Variants in CAPS2 observed in about 807,000 individuals in gnomAD.
The protein encoded by CAPS2 is calcyphosin-2.
A neutral mutation model predicts 86.5 loss-of-function variants in CAPS2; 98 were observed. The observed-to-expected ratio is 1.13, with a 90% CI of 0.96 to 1.34. CAPS2 has a LOEUF of 1.34. Ranked by LOEUF, CAPS2 falls within the 40% of genes most tolerant of loss-of-function variation. CAPS2 has a pLI of 0.00. For synonymous variants in CAPS2, 210 were observed against 225.1 expected (o/e 0.93, Z 0.60); for missense variants, 729 against 686.8 (o/e 1.06, Z -0.69).
At chr12:75,340,951 G>A (rs1489573961) in intron 1 of CAPS2, among the ~76,000 whole-genome samples, 2 of 151,564 alleles carry the variant, frequency 1.3e-5, no homozygotes, top group Non-Finnish European at 2.9e-5. Context: ...AAGATATGGA[G>A]AAAATTGATC....
At chr12:75,336,330 C>A (rs2041737399) in intron 1 of CAPS2, among the ~76,000 whole-genome samples, 2 of 151,682 alleles carry the variant, frequency 1.3e-5, no homozygotes, top group African/African-American at 4.8e-5. Flanking sequence ...AAATGGTAGA[C>A]TAAAACTTAA....
At chr12:75,284,205 T>A (rs2034480349) in intron 15 of CAPS2, among the ~76,000 whole-genome samples, 1 of 152,188 alleles carries the variant, frequency 6.6e-6, no homozygotes, top group Non-Finnish European at 1.5e-5. Flanking sequence ...ATGTGGTGAA[T>A]TTGTCTAATT....
intron 1 of CAPS2, among the ~76,000 whole-genome samples, chr12:75,359,402 T>C (rs1293018356): frequency 7.1e-6 from 1 of 140,722 alleles, no homozygotes; most frequent in African/African-American, 2.6e-5. Context: ...AATTGATCTA[T>C]GAATTCAAGA....
intron 1 of CAPS2, among the ~76,000 whole-genome samples, chr12:75,381,795 A>T (rs1023696057): frequency 1.3e-5 from 2 of 151,602 alleles, no homozygotes; most frequent in Admixed American, 1.3e-4. Flanking sequence ...TTGTATTTTT[A>T]GTAGAGACAG....
At chr12:75,389,968 A>G (rs2139886449) in intron 1 of CAPS2, among the ~76,000 whole-genome samples, 1 of 152,306 alleles carries the variant, frequency 6.6e-6, no homozygotes, top group Non-Finnish European at 1.5e-5. Flanking sequence ...CATCTTACAT[A>G]GGTCTATTGT....
intron 1 of CAPS2, among the ~76,000 whole-genome samples, chr12:75,381,788 T>C (rs1453858147): frequency 6.6e-6 from 1 of 151,950 alleles, no homozygotes; most frequent in East Asian, 1.9e-4. Context: ...CTAATTTTTG[T>C]ATTTTTAGTA....
exon 17 of CAPS2, chr12:75,277,678 T>C: frequency 1.0e-6 from 1 of 979,356 alleles, no homozygotes; most frequent in Non-Finnish European, 1.2e-6. Flanking sequence ...ACTTCTCATG[T>C]TGCTGCCAAG....
intron 8 of CAPS2, among the ~76,000 whole-genome samples, chr12:75,300,202 G>GC (rs1565833446): frequency 1.3e-5 from 2 of 152,098 alleles, no homozygotes; most frequent in Non-Finnish European, 2.9e-5. Context: ...TGGCACTGTT[G>GC]CAGGGCTATC....
chr12:75,303,614 T>C (rs1305558005), intron 8 of CAPS2, among the ~76,000 whole-genome samples: 2 of 152,194 alleles, frequency 1.3e-5, no homozygotes, highest in African/African-American at 2.4e-5. Context: ...TCAATGAAAG[T>C]TGACTTTTAA....
chr12:75,291,508 T>G (rs1471388895), intron 13 of CAPS2, among the ~76,000 whole-genome samples: 3 of 112,822 alleles, frequency 2.7e-5, no homozygotes, highest in Non-Finnish European at 3.6e-5. Flanking sequence ...TATATATATA[T>G]ATATATATAT....
intron 14 of CAPS2, among the ~76,000 whole-genome samples, chr12:75,287,301 C>T (rs899098259): frequency 1.3e-5 from 2 of 151,888 alleles, no homozygotes; most frequent in African/African-American, 4.8e-5. Context: ...AGGCAGGAAT[C>T]GTCTCCTGCC....
At chr12:75,298,452 G>A in intron 11 of CAPS2, 1 of 478,064 alleles carries the variant, frequency 2.1e-6, no homozygotes, top group Non-Finnish European at 3.8e-6. Flanking sequence ...GTTGTGGAAT[G>A]GGAAGGGGGG....
At chr12:75,317,395 AG>A (rs1469469980) in intron 5 of CAPS2, among the ~76,000 whole-genome samples, 1 of 152,176 alleles carries the variant, frequency 6.6e-6, no homozygotes. Flanking sequence ...GGCACCAAAA[AG>A]ATGCTTAGCA....
At chr12:75,366,496 A>G (rs117224785) in intron 1 of CAPS2, among the ~76,000 whole-genome samples, 44 of 152,250 alleles carry the variant, frequency 2.9e-4, no homozygotes, top group East Asian at 1.7e-3. Context: ...AGACCATAAT[A>G]TGTAACTAGT....
chr12:75,291,036 G>A (rs1299318289), intron 13 of CAPS2, among the ~76,000 whole-genome samples: 1 of 151,914 alleles, frequency 6.6e-6, no homozygotes, highest in African/African-American at 2.4e-5. Flanking sequence ...GTCTAATCGA[G>A]TCTACCATAC....
intron 1 of CAPS2, among the ~76,000 whole-genome samples, chr12:75,339,577 C>T (rs527440449): frequency 9.9e-5 from 15 of 152,252 alleles, no homozygotes; most frequent in African/African-American, 2.9e-4. Context: ...TTTTGCCGTA[C>T]AGAAGCTCTT....
chr12:75,339,841 T>A lies in CAPS2; in HGVS notation c.-394-16619A>T, dbSNP rs117204028. 7.4e-4 allele frequency among the ~76,000 whole-genome samples: 112 copies of A among 152,200 alleles called. 3 individuals are homozygous for A. In the East Asian group the frequency reaches 0.018, roughly 25 times the overall value. On this transcript the variant is annotated intron_variant, in intron 1 of 5. Coordinates refer to the CAPS2 transcript ENST00000551829. Reference sequence around the variant, plus strand: ...TTCTCCCAGCGGAAAAGTTATTTACTGGTGATTTCTGAGATTTTGGTGCAC... The same window carrying A: ...TTCTCCCAGCGGAAAAGTTATTTACAGGTGATTTCTGAGATTTTGGTGCAC...
Position 75,323,237 on chromosome 12 carries a change from C to T in CAPS2, c.132-15G>A. ...GTCGTGGGACCCTGAAAGACATAAT[C>T]TATGTATCCCGTAACTTTTTAACAT... is the stretch of plus-strand genomic sequence containing the variant. On this transcript the variant is annotated splice_polypyrimidine_tract_variant and intron_variant, in intron 2 of 16. Transcript: ENST00000393284. 2.0e-6 allele frequency: 3 copies of T among 1,537,002 alleles called. No individual in the cohort carries two copies. The highest frequency in any genetic ancestry group is 2.6e-6 in the Non-Finnish European group (3 of 1,139,820).
At chr12:75,324,751 T>C (rs974201874) in intron 2 of CAPS2, among the ~76,000 whole-genome samples, 1 of 152,058 alleles carries the variant, frequency 6.6e-6, no homozygotes, top group Non-Finnish European at 1.5e-5. Flanking sequence ...AAAATTATAT[T>C]ATTCCAAATT....
Sources: allele counts gnomAD v4.1 joint callset (sites outside exome capture counted in the v4.1 genomes callset), GRCh38; gene constraint gnomAD v4.1.1; transcripts MANE v1.5; gene names NCBI Gene and HGNC (gene_info 2026-07-23, HGNC 2026-07-21).